Variants in SNAPC4 observed in about 807,000 individuals in gnomAD.
SNAPC4 encodes the protein small nuclear RNA activating complex polypeptide 4.
Under a neutral mutation model 151.3 loss-of-function variants are expected in SNAPC4, and 127 were observed. That is an observed-to-expected ratio of 0.84 (90% CI 0.73 to 0.97). The LOEUF (loss-of-function observed/expected upper bound fraction) is 0.97. Among genes scored for constraint, SNAPC4 ranks in the 50% least tolerant of loss-of-function variants. The pLI, the probability that SNAPC4 is intolerant of heterozygous loss-of-function variation, is 0.00. For missense variants in SNAPC4, 2,186 were observed against 1,935.0 expected, an observed-to-expected ratio of 1.13 and a Z score of -2.43; for synonymous variants, 1,002 against 824.4, an observed-to-expected ratio of 1.22 and a Z score of -3.69.
chr9:136,383,691 T>G lies in SNAPC4; in HGVS notation c.1501-23A>C, dbSNP rs750661690. On this transcript the variant is annotated intron_variant, in intron 15 of 23. Transcript: ENST00000684778. The surrounding 1 kb of genome is among the most constrained non-coding windows in gnomAD (Gnocchi z 4.2). ...CTTCTGAGGGGAGGAAAGAGCTACT[T>G]AGAGGCCTTGGCAAGCCCGGTTCAC... The G allele has an allele frequency of 3.7e-5, 59 of 1,581,090 alleles. No homozygotes were observed. The East Asian group carries it at 5.8e-4, about 16-fold the overall frequency.
intron 22 of SNAPC4, among the ~76,000 whole-genome samples, chr9:136,376,712 T>TC (rs1833459138): frequency 6.6e-6 from 1 of 151,998 alleles, no homozygotes; most frequent in African/African-American, 2.4e-5. Flanking sequence ...GGCCTCCCAC[T>TC]CCCCCATGGG....
intron 7 of SNAPC4, 150 bp from the exon 8 acceptor site, chr9:136,392,927 G>A (rs1027316181): frequency 2.1e-5 from 14 of 667,416 alleles, no homozygotes; most frequent in South Asian, 1.4e-4. Context: ...ACCCATGAGG[G>A]AAGCTGTAGC....
chr9:136,382,174 G>T, intron 17 of SNAPC4, 79 bp downstream of exon 17: 1 of 1,586,688 alleles, frequency 6.3e-7, no homozygotes, highest in Non-Finnish European at 8.6e-7. Flanking sequence ...ATCAGGGCAT[G>T]ATCGACGGGG....
intron 23 of SNAPC4, among the ~76,000 whole-genome samples, 184 bp from the exon 24 acceptor site, chr9:136,375,984 A>T (rs184404499): frequency 5.3e-5 from 8 of 152,352 alleles, no homozygotes; most frequent in Non-Finnish European, 1.2e-4. Flanking sequence ...GTGAAGAGCC[A>T]GCCTGGTGGC....
At position 136,378,803 on chromosome 9, in the gene SNAPC4, GGCAGGGGCTTGGGAAGCA is replaced by G. The variant is rs1404488514; in HGVS notation, c.3006_3023del (p.Ala1003_Ala1008del). ...TCACAGAGATCTGGCCGGGGCCCAG[GGCAGGGGCTTGGGAAGCA>G]GCAGGGGCTGTGCCCTCGGCCTCTG... On this transcript the variant is annotated inframe_deletion, in exon 22 of 24. Coordinates refer to ENST00000684778, the MANE Select transcript of SNAPC4 (RefSeq NM_003086.4). 2 of 1,581,616 alleles carry G rather than the reference GGCAGGGGCTTGGGAAGCA, an allele frequency of 1.3e-6. No individual in the cohort carries two copies. Among genetic ancestry groups the G allele is most frequent in the Non-Finnish European group, 1.7e-6 (2 of 1,163,222 alleles).
At chr9:136,391,352 C>A (rs1834067422) in intron 10 of SNAPC4, among the ~76,000 whole-genome samples, 1 of 152,104 alleles carries the variant, frequency 6.6e-6, no homozygotes, top group Admixed American at 6.5e-5. Context: ...AGATAAAGAA[C>A]CACCACAAGA....
At chr9:136,380,942 G>A in intron 19 of SNAPC4, 92 bp from the exon 20 acceptor site, 2 of 720,090 alleles carry the variant, frequency 2.8e-6, no homozygotes, top group Non-Finnish European at 4.9e-6. Context: ...GCAGCCCTGA[G>A]GCTGGGGCGG....
At chr9:136,399,818 G>A (rs1038095197) in intron 1 of SNAPC4, among the ~76,000 whole-genome samples, 2 of 152,204 alleles carry the variant, frequency 1.3e-5, no homozygotes, top group African/African-American at 2.4e-5. Context: ...CCCCCTCCGA[G>A]GCTCGGCCAC....
chr9:136,392,121 ACACT>A lies in SNAPC4; in HGVS notation c.811-19_811-16del. 1 of 1,610,822 alleles carries A rather than the reference ACACT, an allele frequency of 6.2e-7. No homozygotes were observed. The highest frequency in any genetic ancestry group is 1.7e-5 in the Admixed American group (1 of 60,006). On this transcript the variant is annotated splice_polypyrimidine_tract_variant and intron_variant, in intron 9 of 23. Coordinates refer to ENST00000684778, the MANE Select transcript of SNAPC4 (RefSeq NM_003086.4). ...CTGCCTTCAAACTGCACCGACAGAG[ACACT>A]CAGCCTTGCAGGCCACTGACCCCAG...
At position 136,377,566 on chromosome 9, in the gene SNAPC4, T is replaced by C. The variant is rs755756344; in HGVS notation, c.4261A>G (p.Thr1421Ala). ...ACCTGAATGGGGCATGTGGCTGTCG[T>C]GCAGCCCGGCTGCCCGTCCCTGTCT... Reference protein sequence around the residue: ...LADRDGQPGCTTATCPIQGAP... With the variant: ...LADRDGQPGCATATCPIQGAP... The change falls in exon 22 of 24, where the codon ACG becomes GCG. Residue 1421 changes from threonine to alanine, a missense_variant. Physicochemically the swap from Thr to Ala is moderately conservative, Grantham distance 58. Coordinates refer to ENST00000684778, the MANE Select transcript of SNAPC4 (RefSeq NM_003086.4). The C allele has an allele frequency of 3.3e-6, 5 of 1,519,892 alleles. No individual in the cohort carries two copies. The highest frequency in any genetic ancestry group is 4.4e-6 in the Non-Finnish European group (5 of 1,132,686). 94.2% of individuals were successfully genotyped at this position (1,519,892 alleles called of 1,614,324 possible).
chr9:136,392,399 G>A, intron 9 of SNAPC4, 123 bp downstream of exon 9: 1 of 997,952 alleles, frequency 1.0e-6, no homozygotes, highest in East Asian at 2.4e-5. Context: ...CCGGGTGGGT[G>A]GGGGGTCACA....
At chr9:136,389,248 T>C (rs1182151718) in intron 10 of SNAPC4, among the ~76,000 whole-genome samples, 1 of 152,180 alleles carries the variant, frequency 6.6e-6, no homozygotes, top group Admixed American at 6.5e-5. Context: ...CTGAACCCTG[T>C]TCTCTGAAAG....
chr9:136,387,713 C>T (rs906031034), intron 12 of SNAPC4, 29 bp downstream of exon 12: 2 of 1,474,194 alleles, frequency 1.4e-6, no homozygotes, highest in South Asian at 2.3e-5. Context: ...TTCCCAGAGC[C>T]CAGTTCTCCT....
rs1833660599 is a variant in SNAPC4, at chr9:136,380,799, C to A, written c.2440G>T (p.Ala814Ser). 6.2e-7 allele frequency: 1 copy of A among 1,612,176 alleles called. No homozygotes were observed. Among genetic ancestry groups the A allele is most frequent in the Non-Finnish European group, 8.5e-7 (1 of 1,179,350 alleles). The change falls in exon 20 of 24, where the codon GCC (alanine) becomes TCC (serine). Residue 814 changes from alanine to serine, a missense_variant. Transcript: ENST00000684778. ...GCCTGGGGCAGCCTGGGTGGCAGGG[C>A]CTTCCTCTCTCGGACGACCTCCAAG... ...GCLEVVRERK[A>S]LPPRLPQAGA...
intron 13 of SNAPC4, among the ~76,000 whole-genome samples, chr9:136,386,062 G>A (rs924401106): frequency 2.0e-5 from 3 of 151,784 alleles, no homozygotes; most frequent in Admixed American, 6.6e-5. Context: ...ACTCGCTGAC[G>A]AACTGCCATG....
Position 136,400,122 on chromosome 9 carries a change from C to G in SNAPC4, c.-10+12G>C, listed in dbSNP as rs1292005660. ...CGCCACCCGCGCCTCACCTGCTGGG[C>G]GCACACCTTACCTGGCCGCGCGGAC... On this transcript the variant is annotated intron_variant, in intron 1 of 23. Transcript: ENST00000684778. 6.6e-6 allele frequency: 1 copy of G among 152,180 alleles called. No homozygotes were observed. Among genetic ancestry groups the G allele is most frequent in the African/African-American group, 2.4e-5 (1 of 41,456 alleles). The allele number at this position is 152,180 out of a possible 1,614,324, so 9.4% of individuals were successfully genotyped here.
In SNAPC4 at chr9:136,392,004, G is replaced by T; in HGVS notation, c.913C>A (p.Leu305Met). 6.2e-7 allele frequency: 1 copy of T among 1,610,846 alleles called. No individual in the cohort carries two copies. ...QEWSREEEER[L>M]QAIAAAHGHL... ...CCGTGTGCAGCCGCGATCGCCTGCA[G>T]CCGCTCCTCCTCCTCCCTGCTCCAC... The change falls in exon 10 of 24, where the codon CTG becomes ATG. Residue 305 changes from leucine (L) to methionine (M), a missense_variant. Transcript: ENST00000684778.
rs1833606555 is a variant in SNAPC4 at position 136,379,364 on chromosome 9, T to A, written c.2528-65A>T. The stretch of plus-strand genomic sequence containing the variant: ...ATCTGGCCCAGGGACAGCCCCTCGC[T>A]GCCATCCCCTCATCAGGAGGGACCA... On this transcript the variant is annotated intron_variant, in intron 21 of 23. Coordinates refer to ENST00000684778, the MANE Select transcript of SNAPC4 (RefSeq NM_003086.4). 1.9e-6 allele frequency: 3 copies of A among 1,595,382 alleles called. No homozygotes were observed. The Admixed American group carries it at 5.3e-5, about 28-fold the overall frequency.
Position 136,397,018 on chromosome 9 carries a change from G to C in SNAPC4, c.136C>G (p.Leu46Val), listed in dbSNP as rs1470611377. ...GCAGGATCCAAGTCCTCAGAAGGCA[G>C]TGAATCTGTCAGAAACACAAGCAAC... ...SLESDSEADSLPSEDLDPADP... is the reference protein window; with the variant it reads ...SLESDSEADSVPSEDLDPADP... The change falls in exon 3 of 24, where the codon CTG (leucine) becomes GTG (valine). Residue 46 changes from leucine (L) to valine (V), a missense_variant. By Grantham distance (32) the Leu-to-Val change is conservative. Coordinates refer to ENST00000684778, the MANE Select transcript of SNAPC4 (RefSeq NM_003086.4). 1.2e-6 allele frequency: 2 copies of C among 1,612,740 alleles called. No individual in the cohort carries two copies. Among genetic ancestry groups the C allele is most frequent in the Non-Finnish European group, 1.7e-6 (2 of 1,179,866 alleles).
Sources: gnomAD v4.1 joint callset for allele counts (sites outside exome capture counted in the v4.1 genomes callset) on GRCh38, gnomAD v4.1.1 for gene constraint, Gnocchi (gnomAD v3.1) non-coding constraint, MANE v1.5 for transcripts, NCBI Gene and HGNC (gene_info 2026-07-23, HGNC 2026-07-21) for gene names.